The following VPS41 variants were observed in gnomAD, a reference collection of about 807,000 sequenced individuals.
VPS41 encodes the protein vacuolar protein sorting-associated protein 41 homolog.
In VPS41, 85 loss-of-function variants were observed where a neutral mutation model predicts 130.9. The observed-to-expected ratio is 0.65, with a 90% CI of 0.55 to 0.78. The LOEUF is 0.78. Ranked by LOEUF, VPS41 falls within the 30% of genes least tolerant of loss-of-function variation. The probability of loss-of-function intolerance (pLI) is 0.00; values close to 1 mark genes in which losing one functional copy is unlikely to be tolerated. For synonymous variants in VPS41, 335 were observed against 332.9 expected (o/e 1.01, Z -0.07); for missense variants, 874 against 1,018.7 (o/e 0.86, Z 1.93).
chr7:38,828,502 A>G (rs1351244907), intron 5 of VPS41, among the ~76,000 whole-genome samples: 1 of 152,166 alleles, frequency 6.6e-6, no homozygotes, highest in Non-Finnish European at 1.5e-5. Context: ...CTATTTAAAG[A>G]TGCATTAGAT....
At chr7:38,733,333 G>A (rs771751614) in intron 25 of VPS41, among the ~76,000 whole-genome samples, 24 of 152,096 alleles carry the variant, frequency 1.6e-4, no homozygotes, top group Admixed American at 5.2e-4. Flanking sequence ...ATATAAACTC[G>A]TATTCTTTGT....
chr7:38,726,774 T>G (rs1019907918), intron 28 of VPS41, 135 bp downstream of exon 28: 9 of 675,822 alleles, frequency 1.3e-5, no homozygotes, highest in Non-Finnish European at 1.8e-5. Context: ...TTAATTTTTG[T>G]TATGTGATAT....
In VPS41 at chr7:38,743,518, G is replaced by A; in HGVS notation, c.2006C>T (p.Ala669Val). The change falls in exon 24 of 29, where the codon GCC becomes GTC. Residue 669 changes from alanine to valine, a missense_variant. Transcript: ENST00000310301. ...LLSRMGNSRS[A>V]LKMIMEELHD... is the part of the protein sequence containing the mutation. The stretch of plus-strand genomic sequence containing the variant: ...TAATTCCTCCATAATCATCTTCAGG[G>A]CACTTCGGCTATTACCCATTCGGCC... 1 of 1,613,812 alleles carries A rather than the reference G, an allele frequency of 6.2e-7. No individual in the cohort carries two copies. Among genetic ancestry groups the A allele is most frequent in the Non-Finnish European group, 8.5e-7 (1 of 1,179,814 alleles).
intron 4 of VPS41, 62 bp downstream of exon 4, chr7:38,862,483 T>C (rs908363562): frequency 1.0e-5 from 11 of 1,075,214 alleles, no homozygotes; most frequent in Non-Finnish European, 1.2e-5. Flanking sequence ...AAACCAATAT[T>C]CTAAAACACA....
rs949007682 is a variant in VPS41, at chr7:38,723,636, A to T, written c.*2610T>A. 2 of 147,036 alleles carry T rather than the reference A, an allele frequency of 1.4e-5. No individual in the cohort carries two copies. The highest frequency in any genetic ancestry group is 3.0e-5 in the Non-Finnish European group (2 of 67,228). 9.1% of individuals were successfully genotyped at this position (147,036 alleles called of 1,614,324 possible). On this transcript the variant is annotated 3_prime_UTR_variant, in exon 29 of 29. Transcript: ENST00000310301. ...CTACTCCGGAAGCTGAGACGGGAGA[A>T]TCACTTGAACCTGGGAGGCGGAGGT...
At position 38,742,119 on chromosome 7, in the gene VPS41, A is replaced by G. The variant is rs755050825; in HGVS notation, c.2125T>C (p.Phe709Leu). The change falls in exon 25 of 29, where the codon TTT (phenylalanine) becomes CTT (leucine). Residue 709 changes from phenylalanine (F) to leucine (L), a missense_variant and splice_region_variant. Physicochemically the swap from Phe to Leu is conservative, Grantham distance 22 (BLOSUM62 0). Transcript: ENST00000310301. Reference protein sequence around the residue: ...LILYSIDKPPFITGLLNNIGT... With the variant: ...LILYSIDKPPLITGLLNNIGT... Reference sequence around the variant, plus strand: ...ATGTTGTTTAACAAGCCAGTAATAAATGCTACAAAATACCACATAAAACAA... The same window carrying G: ...ATGTTGTTTAACAAGCCAGTAATAAGTGCTACAAAATACCACATAAAACAA... 1.2e-6 allele frequency: 2 copies of G among 1,606,186 alleles called. No individual in the cohort carries two copies. The highest frequency in any genetic ancestry group is 3.5e-5 in the Admixed American group (2 of 57,494).
intron 25 of VPS41, among the ~76,000 whole-genome samples, chr7:38,739,991 A>G (rs941708174): frequency 2.0e-5 from 3 of 152,204 alleles, no homozygotes; most frequent in African/African-American, 7.2e-5. Context: ...TTTATTAAAA[A>G]TGAATGAACA....
At chr7:38,832,123 T>C (rs1237083576) in intron 4 of VPS41, among the ~76,000 whole-genome samples, 1 of 152,126 alleles carries the variant, frequency 6.6e-6, no homozygotes, top group East Asian at 1.9e-4. Flanking sequence ...AACTGCTTGT[T>C]CACTTCTCTT....
intron 11 of VPS41, 129 bp downstream of exon 11, chr7:38,776,550 C>T: frequency 3.6e-6 from 2 of 555,782 alleles, no homozygotes; most frequent in Non-Finnish European, 6.7e-6. Flanking sequence ...TAATCTCTGC[C>T]AACCTTATTT....
At chr7:38,833,738 T>C (rs993756961) in intron 4 of VPS41, among the ~76,000 whole-genome samples, 1 of 152,164 alleles carries the variant, frequency 6.6e-6, no homozygotes, top group Non-Finnish European at 1.5e-5. Context: ...ATTAACTTCA[T>C]GAGAGAATGT....
chr7:38,795,120 G>T (rs1429653736), intron 9 of VPS41, among the ~76,000 whole-genome samples: 1 of 151,820 alleles, frequency 6.6e-6, no homozygotes, highest in Non-Finnish European at 1.5e-5. Context: ...AAAATGAAAA[G>T]AATAATAAAG....
chr7:38,751,306 C>G (rs1384463806), intron 22 of VPS41, among the ~76,000 whole-genome samples: 2 of 152,304 alleles, frequency 1.3e-5, no homozygotes, highest in Admixed American at 1.3e-4. Flanking sequence ...TTGGTCCACA[C>G]AGCTGACTTT....
At position 38,905,606 on chromosome 7, in the gene VPS41, T is replaced by C. The variant is rs369524974; in HGVS notation, c.21+3548A>G. On this transcript the variant is annotated intron_variant, in intron 1 of 28. Coordinates refer to ENST00000310301, the MANE Select transcript of VPS41 (RefSeq NM_014396.4). ...CTATTTTGGTTCTTCTGAAAATAAA[T>C]GGGGAGGGGAGCAATCACCAAAGAA... is the stretch of plus-strand genomic sequence containing the variant. Among the ~76,000 whole-genome samples the C allele has an allele frequency of 2.0e-4, 31 of 152,200 alleles. 1 individual carries two copies. The East Asian group carries it at 4.2e-3, about 21-fold the overall frequency.
chr7:38,880,783 A>C (rs1786587937), intron 2 of VPS41, among the ~76,000 whole-genome samples: 1 of 152,238 alleles, frequency 6.6e-6, no homozygotes, highest in Admixed American at 6.5e-5. Context: ...GCATTTCTTG[A>C]GCCTGCAGAG....
chr7:38,742,111 A>C lies in VPS41; in HGVS notation c.2133T>G (p.Thr711=). The change falls in exon 25 of 29, where the codon ACT becomes ACG. Residue 711 remains threonine, a synonymous_variant. Transcript: ENST00000310301. ...LYSIDKPPFI[T]GLLNNIGTHV... is the part of the protein sequence containing the mutation. ...GTGTGCCAATGTTGTTTAACAAGCC[A>C]GTAATAAATGCTACAAAATACCACA... 4 of 1,608,564 alleles carry C rather than the reference A, an allele frequency of 2.5e-6. No homozygotes were observed. Among genetic ancestry groups the C allele is most frequent in the Non-Finnish European group, 3.4e-6 (4 of 1,178,752 alleles).
chr7:38,823,667 T>G (rs912404350), intron 5 of VPS41, among the ~76,000 whole-genome samples: 1 of 152,212 alleles, frequency 6.6e-6, no homozygotes, highest in Non-Finnish European at 1.5e-5. Context: ...AGTTAAAGTT[T>G]TGGGGACCAT....
At chr7:38,811,620 C>T (rs1490487787) in intron 7 of VPS41, among the ~76,000 whole-genome samples, 2 of 149,364 alleles carry the variant, frequency 1.3e-5, no homozygotes, top group Admixed American at 6.8e-5. Context: ...CACACACACA[C>T]CCCTCCATAT....
chr7:38,866,372 C>T (rs542372846), intron 3 of VPS41, among the ~76,000 whole-genome samples: 7 of 152,160 alleles, frequency 4.6e-5, no homozygotes, highest in Admixed American at 2.0e-4. Context: ...ACAAGAGATT[C>T]TTTTATTTAC....
intron 27 of VPS41, among the ~76,000 whole-genome samples, chr7:38,728,015 G>A (rs1562562415): frequency 1.3e-5 from 2 of 152,180 alleles, no homozygotes; most frequent in African/African-American, 4.8e-5. Flanking sequence ...TGAAATGTGA[G>A]ATGACTTGGG....
Sources: gnomAD v4.1 joint callset for allele counts (sites outside exome capture counted in the v4.1 genomes callset) on GRCh38, gnomAD v4.1.1 for gene constraint, MANE v1.5 for transcripts, NCBI Gene and HGNC (gene_info 2026-07-23, HGNC 2026-07-21) for gene names.